The following FOXP1 variants were observed in gnomAD, a reference collection of about 807,000 sequenced individuals.
The protein encoded by FOXP1 is forkhead box protein P1.
Under a neutral mutation model 98.2 loss-of-function variants are expected in FOXP1, and 15 were observed. The observed-to-expected ratio is 0.15, with a 90% CI of 0.10 to 0.24. FOXP1 has a LOEUF of 0.24. Ranked by LOEUF, FOXP1 falls within the 10% of genes least tolerant of loss-of-function variation. The pLI, the probability that FOXP1 is intolerant of heterozygous loss-of-function variation, is 1.00. For synonymous variants in FOXP1, 371 were observed against 314.5 expected (o/e 1.18, Z -1.90); for missense variants, 633 against 848.5 (o/e 0.75, Z 3.15).
chr3:71,246,533 C>A (rs920702980), intron 5 of FOXP1, among the ~76,000 whole-genome samples: 1 of 152,086 alleles, frequency 6.6e-6, no homozygotes, highest in Non-Finnish European at 1.5e-5. Context: ...AGATCCATAT[C>A]GTACAGAAAC....
At chr3:71,322,967 C>T (rs1351310102) in intron 4 of FOXP1, among the ~76,000 whole-genome samples, 2 of 150,950 alleles carry the variant, frequency 1.3e-5, no homozygotes, top group African/African-American at 2.4e-5. Context: ...GGCCCAAGCT[C>T]GGTACTTTTT....
chr3:71,057,459 A>C (rs1269961280), intron 7 of FOXP1, among the ~76,000 whole-genome samples: 3 of 149,428 alleles, frequency 2.0e-5, no homozygotes, highest in African/African-American at 7.4e-5. Flanking sequence ...AAGACGATTT[A>C]AATATAAGGC....
chr3:71,484,449 T>A (rs1272738725), intron 3 of FOXP1, among the ~76,000 whole-genome samples: 2 of 152,244 alleles, frequency 1.3e-5, no homozygotes, highest in Non-Finnish European at 2.9e-5. Context: ...GAGCATTCAT[T>A]GCTACATCCT....
intron 11 of FOXP1, among the ~76,000 whole-genome samples, chr3:71,035,359 C>T (rs775267376): frequency 6.6e-6 from 1 of 152,172 alleles, no homozygotes; most frequent in Non-Finnish European, 1.5e-5. Flanking sequence ...TGGTGAAGGT[C>T]AGGGGTCAGC....
chr3:71,430,984 C>T (rs993958359), intron 3 of FOXP1, among the ~76,000 whole-genome samples: 8 of 152,148 alleles, frequency 5.3e-5, no homozygotes, highest in African/African-American at 1.9e-4. Context: ...CTTTCCTAGA[C>T]ATTCTACCCC....
chr3:71,087,257 T>G (rs1369770200), intron 7 of FOXP1, among the ~76,000 whole-genome samples: 1 of 152,190 alleles, frequency 6.6e-6, no homozygotes, highest in East Asian at 1.9e-4. Flanking sequence ...CTCAGTTCTT[T>G]GTTGGGTGGG....
intron 2 of FOXP1, among the ~76,000 whole-genome samples, chr3:71,528,511 C>G (rs570911028): frequency 1.3e-5 from 2 of 152,206 alleles, no homozygotes; most frequent in Non-Finnish European, 2.9e-5. Flanking sequence ...GTCCTCAAAA[C>G]TTACTCACAG....
chr3:71,277,050 C>T (rs968288225), intron 5 of FOXP1, among the ~76,000 whole-genome samples: 20 of 151,538 alleles, frequency 1.3e-4, no homozygotes, highest in Non-Finnish European at 2.9e-4. Context: ...GCTTCCCCTC[C>T]CGGATTCACG....
intron 7 of FOXP1, among the ~76,000 whole-genome samples, chr3:71,095,904 C>A (rs1395862228): frequency 6.6e-6 from 1 of 152,202 alleles, no homozygotes; most frequent in African/African-American, 2.4e-5. Flanking sequence ...CATTTTAAAT[C>A]TCAAGGTAGA....
chr3:71,572,560 T>C (rs2047418184), intron 2 of FOXP1: 1 of 152,230 alleles, frequency 6.6e-6, no homozygotes, highest in African/African-American at 2.4e-5. Context: ...TAGGATGCTA[T>C]CAGAACAAAC....
intron 3 of FOXP1, among the ~76,000 whole-genome samples, chr3:71,473,054 C>A (rs549181450): frequency 6.6e-6 from 1 of 152,296 alleles, no homozygotes; most frequent in Admixed American, 6.5e-5. Flanking sequence ...TAGCCTAGCA[C>A]TAGAGCCTGT....
chr3:71,305,521 T>C (rs1430201380), intron 4 of FOXP1, among the ~76,000 whole-genome samples: 2 of 152,250 alleles, frequency 1.3e-5, no homozygotes, highest in Non-Finnish European at 2.9e-5. Flanking sequence ...GCAGAGTTTC[T>C]GTTTTCTTAC....
chr3:70,967,710 GT>G lies in FOXP1; in HGVS notation c.1723-1655del, dbSNP rs756777959. Among the ~76,000 whole-genome samples the G allele has an allele frequency of 5.1e-3, 354 of 68,844 alleles. 4 individuals carry two copies. Among genetic ancestry groups the G allele is most frequent in the African/African-American group, 8.3e-3 (149 of 18,012 alleles). The allele number at this position is 68,844 out of a possible 152,430, so 45.2% of individuals were successfully genotyped here. A position where few individuals can be genotyped will look rare whatever the true frequency, so the allele number is the denominator to read the frequency against. On this transcript the variant is annotated intron_variant, in intron 19 of 20. Transcript: ENST00000649528. ...TTGTTTTTTTTTTTTGTTTTTTTTT[GT>G]TTTTTTTTTTTTTTTTTGCAAACTG...
intron 1 of FOXP1, chr3:71,582,449 C>T (rs1298658581): frequency 1.0e-6 from 1 of 985,270 alleles, no homozygotes; most frequent in Non-Finnish European, 1.2e-6. Flanking sequence ...GTCGTCTCGG[C>T]GGGACAGGAA....
intron 5 of FOXP1, among the ~76,000 whole-genome samples, chr3:71,231,591 T>C (rs2066292580): frequency 2.0e-5 from 3 of 152,360 alleles, no homozygotes; most frequent in East Asian, 1.9e-4. Flanking sequence ...CAAATTTCCA[T>C]GCATTAGGCA....
intron 4 of FOXP1, among the ~76,000 whole-genome samples, chr3:71,323,260 T>C (rs2075500275): frequency 1.3e-5 from 2 of 152,102 alleles, no homozygotes; most frequent in South Asian, 4.1e-4. Flanking sequence ...GACCAATATA[T>C]AGTCAGGGTT....
intron 11 of FOXP1, among the ~76,000 whole-genome samples, chr3:71,016,293 G>A (rs1352790764): frequency 1.3e-5 from 2 of 152,228 alleles, no homozygotes; most frequent in South Asian, 2.1e-4. Flanking sequence ...TGAACACGAA[G>A]GGGTTAATCC....
intron 5 of FOXP1, among the ~76,000 whole-genome samples, chr3:71,249,374 C>T (rs1273982472): frequency 6.6e-6 from 1 of 152,226 alleles, no homozygotes; most frequent in Non-Finnish European, 1.5e-5. Flanking sequence ...ATAGAAGCTA[C>T]CATTTATTCT....
rs372286546 is a variant in FOXP1, at chr3:70,974,297, G to GT, written c.1531-1622dup. Among the ~76,000 whole-genome samples, 1,215 of 147,946 alleles carry GT rather than the reference G, an allele frequency of 8.2e-3. 15 individuals are homozygous for GT. The highest frequency in any genetic ancestry group is 0.023 in the African/African-American group (932 of 40,644). On this transcript the variant is annotated intron_variant, in intron 17 of 20. Coordinates refer to ENST00000649528, the MANE Select transcript of FOXP1 (RefSeq NM_001349338.3). ...AACTGCAGTCTAGTCTAAATAAGCA[G>GT]TTTTTTTTTTTCTTTTTTTGAAACT...
Sources: gnomAD v4.1 joint callset for allele counts (sites outside exome capture counted in the v4.1 genomes callset) on GRCh38, gnomAD v4.1.1 for gene constraint, MANE v1.5 for transcripts, NCBI Gene and HGNC (gene_info 2026-07-23, HGNC 2026-07-21) for gene names.